The following CLIP1 variants were observed in gnomAD, a reference collection of about 807,000 sequenced individuals.
The protein encoded by CLIP1 is CAP-Gly domain containing linker protein 1.
Under a neutral mutation model 161.6 loss-of-function variants are expected in CLIP1, and 66 were observed. The observed-to-expected ratio is 0.41, with a 90% CI of 0.33 to 0.50. The LOEUF (loss-of-function observed/expected upper bound fraction) is 0.50, where lower values mean the gene tolerates loss of function less well. CLIP1 is among the 20% of genes least tolerant of loss of function. The pLI is 0.27. For synonymous variants in CLIP1, 598 were observed against 626.2 expected (o/e 0.96, Z 0.67); for missense variants, 1,376 against 1,702.0 (o/e 0.81, Z 3.37).
At chr12:122,390,662 CA>C (rs1955616454) in intron 1 of CLIP1, among the ~76,000 whole-genome samples, 1 of 151,450 alleles carries the variant, frequency 6.6e-6, no homozygotes, top group African/African-American at 2.4e-5. Context: ...TATAATGTGA[CA>C]AAATATACCT....
At chr12:122,398,520 T>C (rs116910422) in intron 1 of CLIP1, among the ~76,000 whole-genome samples, 1,602 of 152,176 alleles carry the variant, frequency 0.011, 13 homozygotes, top group Non-Finnish European at 0.019. Flanking sequence ...TAAAGTACTA[T>C]ATTTTTATAA....
At chr12:122,422,951 C>T (rs1359461109), upstream of CLIP1, among the ~76,000 whole-genome samples, 1 of 152,172 alleles carries the variant, frequency 6.6e-6, no homozygotes, top group African/African-American at 2.4e-5. Flanking sequence ...GTCATTTCTG[C>T]AAAGTGTTCC....
intron 1 of CLIP1, among the ~76,000 whole-genome samples, chr12:122,384,909 GGAAGGGAAACAAGT>G (rs1228962404): frequency 6.6e-6 from 1 of 150,518 alleles, no homozygotes; most frequent in Non-Finnish European, 1.5e-5. Flanking sequence ...AGTTAAAACT[GGAAGGGAAACAAGT>G]GAGTTGATGG....
chr12:122,414,108 A>T (rs570083247), intron 1 of CLIP1, among the ~76,000 whole-genome samples: 42 of 152,092 alleles, frequency 2.8e-4, no homozygotes, highest in Non-Finnish European at 4.1e-4. Flanking sequence ...ACACTTTAAT[A>T]TGTGTACTTT....
At chr12:122,365,658 A>G (rs1346399881) in intron 3 of CLIP1, 1 of 742,164 alleles carries the variant, frequency 1.3e-6, no homozygotes, top group African/African-American at 2.0e-5. Context: ...AAAATAAAAT[A>G]AAGGACCTCT....
At chr12:122,398,833 G>A (rs1389646317) in intron 1 of CLIP1, among the ~76,000 whole-genome samples, 1 of 149,424 alleles carries the variant, frequency 6.7e-6, no homozygotes, top group African/African-American at 2.5e-5. Flanking sequence ...ATATTAGCAA[G>A]ACTTTATCTC....
chr12:122,352,563 G>A (rs58928984), intron 8 of CLIP1, among the ~76,000 whole-genome samples, 163 bp downstream of exon 8: 7,919 of 152,098 alleles, frequency 0.052, 529 homozygotes, highest in African/African-American at 0.16. Context: ...CACACTCACA[G>A]GCTCAAGTAC....
intron 20 of CLIP1, among the ~76,000 whole-genome samples, chr12:122,301,931 T>C (rs1230712026): frequency 6.6e-6 from 1 of 152,216 alleles, no homozygotes; most frequent in Non-Finnish European, 1.5e-5. Context: ...CTCACCTGAA[T>C]AGTCATTGTC....
chr12:122,282,373 A>C (rs1247579557), intron 21 of CLIP1, among the ~76,000 whole-genome samples: 1 of 152,212 alleles, frequency 6.6e-6, no homozygotes, highest in African/African-American at 2.4e-5. Flanking sequence ...AAAATCAAGA[A>C]GGGAAAATAA....
In CLIP1 at chr12:122,311,923, C is replaced by T. The variant is rs1360918328; in HGVS notation, c.3474-2041G>A. The stretch of plus-strand genomic sequence containing the variant: ...GCTACAGCTGGCAGATGACTTCAGT[C>T]GTGGTTCAGATATAGAGCACTTTGT... On this transcript the variant is annotated intron_variant, in intron 19 of 25. Coordinates refer to ENST00000620786, the MANE Select transcript of CLIP1 (RefSeq NM_001247997.2). This position sits in a 1 kb window ranked among gnomAD's most constrained non-coding sequence, Gnocchi z 4.3. Among the ~76,000 whole-genome samples the T allele has an allele frequency of 3.3e-5, 5 of 152,082 alleles. No homozygotes were observed. The highest frequency in any genetic ancestry group is 9.7e-5 in the African/African-American group (4 of 41,420).
chr12:122,343,022 C>T (rs999706833), intron 10 of CLIP1: 1 of 151,788 alleles, frequency 6.6e-6, no homozygotes, highest in African/African-American at 2.4e-5. Context: ...CATTATACTT[C>T]TATTGGACAG....
intron 20 of CLIP1, among the ~76,000 whole-genome samples, chr12:122,302,122 G>A (rs1418385762): frequency 2.0e-5 from 3 of 151,996 alleles, no homozygotes; most frequent in Non-Finnish European, 4.4e-5. Context: ...ATTATTTTGA[G>A]ACAGTTTCAC....
At chr12:122,377,357 A>G (rs757866951) in intron 3 of CLIP1, 32 bp downstream of exon 3, 1 of 1,570,736 alleles carries the variant, frequency 6.4e-7, no homozygotes, top group East Asian at 2.2e-5. Context: ...TCTCAGTTCA[A>G]TGAAATGACC....
intron 17 of CLIP1, among the ~76,000 whole-genome samples, chr12:122,321,564 G>T (rs1460621751): frequency 6.6e-6 from 1 of 151,926 alleles, no homozygotes; most frequent in Non-Finnish European, 1.5e-5. Context: ...TGTCAACCAG[G>T]CTGGAGTGCA....
chr12:122,299,982 G>A (rs1950620381), intron 20 of CLIP1, among the ~76,000 whole-genome samples: 1 of 152,082 alleles, frequency 6.6e-6, no homozygotes, highest in African/African-American at 2.4e-5. Flanking sequence ...ACTAGGCTGG[G>A]TGTGATAGCT....
chr12:122,331,553 G>A (rs1310696548), intron 15 of CLIP1, among the ~76,000 whole-genome samples: 1 of 151,932 alleles, frequency 6.6e-6, no homozygotes, highest in Non-Finnish European at 1.5e-5. Context: ...GACCTCAGGC[G>A]ATCTGCCCGC....
intron 11 of CLIP1, among the ~76,000 whole-genome samples, chr12:122,337,458 A>AAAG (rs1224691138): frequency 2.8e-3 from 105 of 36,914 alleles, no homozygotes; most frequent in South Asian, 3.3e-3. Flanking sequence ...AAAAAAAAAA[A>AAAG]AAAGAAAGAA....
Position 122,319,975 on chromosome 12 carries a change from T to C in CLIP1, c.3250-627A>G, listed in dbSNP as rs141107180. Among the ~76,000 whole-genome samples, 446 of 152,202 alleles carry C rather than the reference T, an allele frequency of 2.9e-3. 2 individuals are homozygous for C. Among genetic ancestry groups the C allele is most frequent in the African/African-American group, 0.01 (425 of 41,518 alleles). The stretch of plus-strand genomic sequence containing the variant: ...TTAGCTGTTAACTATCAAAATTAAT[T>C]ATAAAAAGTTAGATATAGGCCGGGC... On this transcript the variant is annotated intron_variant, in intron 17 of 25. Transcript: ENST00000620786.
intron 1 of CLIP1, among the ~76,000 whole-genome samples, chr12:122,387,391 A>C (rs1343029947): frequency 6.6e-6 from 1 of 151,950 alleles, no homozygotes; most frequent in Non-Finnish European, 1.5e-5. Context: ...GTTTCAAGGC[A>C]ATGGAACCAA....
Sources: gnomAD v4.1 joint callset for allele counts (sites outside exome capture counted in the v4.1 genomes callset) on GRCh38, gnomAD v4.1.1 for gene constraint, Gnocchi (gnomAD v3.1) non-coding constraint, MANE v1.5 for transcripts, NCBI Gene and HGNC (gene_info 2026-07-23, HGNC 2026-07-21) for gene names.